The following MGAT4C variants were observed in gnomAD, a reference collection of about 807,000 sequenced individuals.
MGAT4C encodes alpha-1,3-mannosyl-glycoprotein 4-beta-N-acetylglucosaminyltransferase C.
Under a neutral mutation model 40.1 loss-of-function variants are expected in MGAT4C, and 19 were observed. The ratio of observed to expected loss-of-function variants is 0.47; its 90% CI spans 0.33 to 0.70. The LOEUF (loss-of-function observed/expected upper bound fraction) is 0.70, where lower values mean the gene tolerates loss of function less well. Ranked by LOEUF, MGAT4C falls within the 30% of genes least tolerant of loss-of-function variation. The pLI is 0.02. For missense variants in MGAT4C, 491 were observed against 563.2 expected (o/e 0.87, Z 1.30); for synonymous variants, 181 against 187.1 (o/e 0.97, Z 0.27).
chr12:86,337,498 A>G (rs567623690), intron 3 of MGAT4C, among the ~76,000 whole-genome samples: 9 of 150,866 alleles, frequency 6.0e-5, no homozygotes, highest in African/African-American at 2.2e-4. Context: ...CAGGAGAATC[A>G]CTTGAGCCCA....
intron 3 of MGAT4C, among the ~76,000 whole-genome samples, chr12:86,431,801 G>A (rs1026255429): frequency 1.3e-5 from 2 of 152,136 alleles, no homozygotes; most frequent in South Asian, 2.1e-4. Flanking sequence ...TAACACCTTC[G>A]CACCATTGTA....
chr12:86,004,696 T>C (rs1887692727), intron 2 of MGAT4C, among the ~76,000 whole-genome samples: 1 of 152,190 alleles, frequency 6.6e-6, no homozygotes, highest in African/African-American at 2.4e-5. Context: ...ATGGTTTTGT[T>C]TGACAGTTTG....
intron 1 of MGAT4C, among the ~76,000 whole-genome samples, chr12:86,138,131 C>G (rs371117037): frequency 3.5e-4 from 54 of 152,158 alleles, no homozygotes; most frequent in African/African-American, 1.1e-3. Context: ...TCCACTCTAT[C>G]CTGTTTCCTT....
chr12:85,961,883 G>A lies in MGAT4C; in HGVS notation c.*17406C>T, dbSNP rs1191823110. The A allele has an allele frequency of 2.6e-5, 4 of 151,788 alleles. No individual in the cohort carries two copies. Among genetic ancestry groups the A allele is most frequent in the Admixed American group, 6.6e-5 (1 of 15,222 alleles). 9.4% of individuals were successfully genotyped at this position (151,788 alleles called of 1,614,324 possible). ...ATTCTAAGGTTATTCTGTGACGATG[G>A]AACTTAATGATGTAAGAGTTAATTA... On this transcript the variant is annotated 3_prime_UTR_variant, in exon 5 of 5. Transcript: ENST00000611864.
chr12:86,399,063 C>T (rs553327672), intron 3 of MGAT4C, among the ~76,000 whole-genome samples: 15 of 152,156 alleles, frequency 9.9e-5, no homozygotes, highest in Non-Finnish European at 1.6e-4. Context: ...CTCCACTTCC[C>T]GGATTCAAGC....
intron 1 of MGAT4C, among the ~76,000 whole-genome samples, chr12:86,740,978 T>G (rs1197497072): frequency 6.6e-6 from 1 of 150,830 alleles, no homozygotes; most frequent in African/African-American, 2.4e-5. Context: ...TAATAAGTAG[T>G]TTTTGAACCC....
chr12:86,418,130 A>G (rs187240197), intron 3 of MGAT4C, among the ~76,000 whole-genome samples: 1 of 152,288 alleles, frequency 6.6e-6, no homozygotes, highest in Admixed American at 6.5e-5. Context: ...AATAAAAGCC[A>G]TTTAGAAGGG....
rs190187951 is a variant in MGAT4C at position 86,146,153 on chromosome 12, A to C, written c.-56-96430T>G. Among the ~76,000 whole-genome samples the C allele has an allele frequency of 3.3e-5, 5 of 152,282 alleles. No homozygotes were observed. In the East Asian group the frequency reaches 9.7e-4, roughly 29 times the overall value. ...TAAACATTTTCTTACTTTGTTTTCT[A>C]TGATCCGAAGACCTGAAACCAAGGT... On this transcript the variant is annotated intron_variant, in intron 1 of 4. Transcript: ENST00000611864.
chr12:86,730,793 T>C (rs1950895679), intron 1 of MGAT4C, among the ~76,000 whole-genome samples: 1 of 152,144 alleles, frequency 6.6e-6, no homozygotes, highest in African/African-American at 2.4e-5. Context: ...ACGCAGAATC[T>C]AAATTAAGGA....
At chr12:86,587,314 C>G (rs1489839416) in intron 2 of MGAT4C, among the ~76,000 whole-genome samples, 1 of 151,998 alleles carries the variant, frequency 6.6e-6, no homozygotes, top group African/African-American at 2.4e-5. Context: ...TGATCTATAT[C>G]TCTGTTTTAG....
intron 2 of MGAT4C, among the ~76,000 whole-genome samples, chr12:86,723,936 G>A (rs1028809733): frequency 3.9e-5 from 6 of 152,122 alleles, no homozygotes; most frequent in Admixed American, 1.3e-4. Flanking sequence ...TTCTGAAATT[G>A]TGTGTTCACA....
chr12:86,072,075 G>A (rs898605341), intron 1 of MGAT4C, among the ~76,000 whole-genome samples: 3 of 146,548 alleles, frequency 2.0e-5, no homozygotes, highest in Non-Finnish European at 3.0e-5. Context: ...AACCACTATT[G>A]AAATCTCTTT....
rs1883176632 is a variant in MGAT4C at position 85,962,707 on chromosome 12, A to C, written c.*16582T>G. On this transcript the variant is annotated 3_prime_UTR_variant, in exon 5 of 5. Coordinates refer to ENST00000611864, the MANE Select transcript of MGAT4C (RefSeq NM_001351288.2). Reference sequence around the variant, plus strand: ...TTAATATATCAGTGCTATCAACTACATTTTACATAGGATGAAAAAAATCAT... The same window carrying C: ...TTAATATATCAGTGCTATCAACTACCTTTTACATAGGATGAAAAAAATCAT... 6.6e-6 allele frequency: 1 copy of C among 151,022 alleles called. No homozygotes were observed. The highest frequency in any genetic ancestry group is 2.1e-4 in the South Asian group (1 of 4,800). The allele number at this position is 151,022 out of a possible 1,614,324, so 9.4% of individuals were successfully genotyped here.
chr12:86,382,558 A>G (rs541131137), intron 3 of MGAT4C, among the ~76,000 whole-genome samples: 8 of 152,324 alleles, frequency 5.3e-5, no homozygotes, highest in Non-Finnish European at 1.2e-4. Context: ...GTTAATCATA[A>G]AGACAATGGG....
At chr12:86,091,346 C>T (rs967100198) in intron 1 of MGAT4C, among the ~76,000 whole-genome samples, 1 of 151,916 alleles carries the variant, frequency 6.6e-6, no homozygotes, top group African/African-American at 2.4e-5. Flanking sequence ...TAACCATTTT[C>T]CCCCCACTGG....
At chr12:86,461,147 C>T (rs1592874509) in intron 2 of MGAT4C, among the ~76,000 whole-genome samples, 1 of 151,710 alleles carries the variant, frequency 6.6e-6, no homozygotes, top group East Asian at 1.9e-4. Flanking sequence ...CATAAAATAC[C>T]TACTTTATAT....
At chr12:86,200,571 C>G (rs896233057) in intron 1 of MGAT4C, among the ~76,000 whole-genome samples, 9 of 152,122 alleles carry the variant, frequency 5.9e-5, no homozygotes, top group African/African-American at 2.2e-4. Flanking sequence ...ATAGTCATAG[C>G]TCATTGTAGT....
At chr12:86,822,879 T>C (rs1952730618) in intron 1 of MGAT4C, among the ~76,000 whole-genome samples, 2 of 151,158 alleles carry the variant, frequency 1.3e-5, no homozygotes, top group Admixed American at 1.3e-4. Context: ...CCAGTGCACA[T>C]AGAATTTTTT....
At chr12:86,689,189 C>T (rs145186449) in intron 2 of MGAT4C, among the ~76,000 whole-genome samples, 124 of 152,252 alleles carry the variant, frequency 8.1e-4, no homozygotes, top group Non-Finnish European at 1.5e-3. Context: ...TTCTCAGCTC[C>T]GTCAAGTCAT....
Sources: gnomAD v4.1 joint callset for allele counts (sites outside exome capture counted in the v4.1 genomes callset) on GRCh38, gnomAD v4.1.1 for gene constraint, MANE v1.5 for transcripts, NCBI Gene and HGNC (gene_info 2026-07-23, HGNC 2026-07-21) for gene names.